Variants in DST observed in about 807,000 individuals in gnomAD.
DST encodes the protein dystonin.
A neutral mutation model predicts 875.2 loss-of-function variants in DST; 253 were observed. That is an observed-to-expected ratio of 0.29 (90% CI 0.26 to 0.32). DST has a LOEUF of 0.32. Among genes scored for constraint, DST ranks in the 10% least tolerant of loss-of-function variants. DST has a pLI of 1.00. For missense variants in DST, 8,287 were observed against 9,111.6 expected (o/e 0.91, Z 3.68); for synonymous variants, 3,124 against 3,197.1 (o/e 0.98, Z 0.77).
At chr6:56,890,697 T>G (rs1786972226) in intron 3 of DST, among the ~76,000 whole-genome samples, 1 of 152,250 alleles carries the variant, frequency 6.6e-6, no homozygotes, top group Non-Finnish European at 1.5e-5. Flanking sequence ...CTAAGGATGC[T>G]AAAGTATTTG....
chr6:56,596,128 C>T (rs1426825220), intron 47 of DST, among the ~76,000 whole-genome samples: 1 of 151,890 alleles, frequency 6.6e-6, no homozygotes, highest in Non-Finnish European at 1.5e-5. Context: ...TTCTGGGTTC[C>T]AGCGATTCTC....
chr6:56,842,309 G>A (rs1385531249), intron 4 of DST, among the ~76,000 whole-genome samples: 1 of 152,086 alleles, frequency 6.6e-6, no homozygotes, highest in Non-Finnish European at 1.5e-5. Flanking sequence ...ACAATAAAAA[G>A]ATGGTATACA....
intron 48 of DST, among the ~76,000 whole-genome samples, chr6:56,592,712 G>A (rs1004733612): frequency 6.6e-6 from 1 of 152,110 alleles, no homozygotes; most frequent in Non-Finnish European, 1.5e-5. Flanking sequence ...GGTTTTAAAG[G>A]TGCTTAATAA....
intron 84 of DST, 108 bp from the exon 85 acceptor site, chr6:56,492,541 C>T: frequency 1.7e-6 from 2 of 1,155,142 alleles, no homozygotes; most frequent in Non-Finnish European, 2.5e-6. Flanking sequence ...CAAACGAAAG[C>T]TTTCGAAATA....
chr6:56,466,281 AACCG>A (rs2094571814), intron 98 of DST, 86 bp from the exon 99 acceptor site: 1 of 864,748 alleles, frequency 1.2e-6, no homozygotes, highest in Admixed American at 3.1e-5. Flanking sequence ...TAGCTAAAGC[AACCG>A]ACTTTAATTT....
At chr6:56,661,590 G>GT (rs111894650) in intron 10 of DST, among the ~76,000 whole-genome samples, 16,087 of 145,206 alleles carry the variant, frequency 0.11, 1,670 homozygotes, top group African/African-American at 0.28. Flanking sequence ...CACTCTAACA[G>GT]TTTTTTTTTT....
chr6:56,718,568 A>G (rs1229630869), intron 5 of DST, among the ~76,000 whole-genome samples: 1 of 152,228 alleles, frequency 6.6e-6, no homozygotes, highest in Non-Finnish European at 1.5e-5. Context: ...AATGTGCAAA[A>G]GAAATAAAAA....
intron 8 of DST, among the ~76,000 whole-genome samples, chr6:56,700,043 C>A (rs1349153399): frequency 3.9e-5 from 6 of 152,204 alleles, no homozygotes; most frequent in Non-Finnish European, 8.8e-5. Context: ...AGGTTAGCAG[C>A]GGCCCAGGAA....
chr6:56,900,570 C>G lies in DST; in HGVS notation c.268G>C (p.Ala90Pro). 7.3e-7 allele frequency: 1 copy of G among 1,367,654 alleles called. No homozygotes were observed. Among genetic ancestry groups the G allele is most frequent in the African/African-American group, 1.5e-5 (1 of 67,858 alleles). The allele number at this position is 1,367,654 out of a possible 1,614,324, so 84.7% of individuals were successfully genotyped here. The change falls in exon 3 of 104, where the codon GCT becomes CCT. Residue 90 changes from alanine (A) to proline (P), a missense_variant. Physicochemically the swap from Ala to Pro is conservative, Grantham distance 27 (BLOSUM62 -1). Transcript: ENST00000680361. ...GGCTTCACTTCTTCCAGACGGGCAG[C>G]TGCGGCCGCTGCAACTCGTCTTCTA... ...HLRRRVAAAA[A>P]ARLEEVKPVV...
At chr6:56,803,976 T>C (rs1370490057) in intron 4 of DST, among the ~76,000 whole-genome samples, 1 of 152,230 alleles carries the variant, frequency 6.6e-6, no homozygotes, top group East Asian at 1.9e-4. Flanking sequence ...CCCATTTCAC[T>C]GAATCTAAAG....
chr6:56,689,607 G>A (rs2099213941), intron 9 of DST, among the ~76,000 whole-genome samples: 2 of 152,188 alleles, frequency 1.3e-5, no homozygotes, highest in South Asian at 4.1e-4. Context: ...GCCAGGCTTT[G>A]AGAAGTACTG....
At chr6:56,702,032 T>C in intron 7 of DST, 67 bp from the exon 8 acceptor site, 1 of 937,978 alleles carries the variant, frequency 1.1e-6, no homozygotes, top group Non-Finnish European at 1.7e-6. Context: ...AATTTAAATA[T>C]AATTTCTGTT....
chr6:56,673,746 T>C (rs2099114629), intron 9 of DST, among the ~76,000 whole-genome samples: 1 of 152,234 alleles, frequency 6.6e-6, no homozygotes, highest in Non-Finnish European at 1.5e-5. Flanking sequence ...GGTATATTCA[T>C]ATAATTTTAC....
chr6:56,655,160 CAAAAAAAAAA>C (rs11365303), intron 10 of DST, among the ~76,000 whole-genome samples: 3 of 57,358 alleles, frequency 5.2e-5, no homozygotes, highest in South Asian at 6.5e-4. Flanking sequence ...GACTTTGCCT[CAAAAAAAAAA>C]AAAAAAAAAA....
At chr6:56,885,980 C>A (rs2127648505) in intron 3 of DST, among the ~76,000 whole-genome samples, 1 of 152,202 alleles carries the variant, frequency 6.6e-6, no homozygotes, top group Non-Finnish European at 1.5e-5. Context: ...TCTAATTTAC[C>A]AATTCATAAT....
chr6:56,583,510 G>A (rs2098073620), intron 49 of DST, among the ~76,000 whole-genome samples: 1 of 152,234 alleles, frequency 6.6e-6, no homozygotes, highest in South Asian at 2.1e-4. Context: ...CTTGTCAGAT[G>A]AGTAGGTTAC....
chr6:56,501,772 T>C, intron 78 of DST, 79 bp from the exon 79 acceptor site: 2 of 1,095,454 alleles, frequency 1.8e-6, no homozygotes, highest in South Asian at 3.3e-5. Flanking sequence ...GGTTATATCA[T>C]TATTCTAATT....
chr6:56,880,750 G>C (rs1291450723), intron 3 of DST, among the ~76,000 whole-genome samples: 2 of 149,490 alleles, frequency 1.3e-5, no homozygotes, highest in Non-Finnish European at 3.0e-5. Flanking sequence ...CAACTTATCT[G>C]GTTCCATAAT....
intron 61 of DST, among the ~76,000 whole-genome samples, chr6:56,549,879 G>A (rs965890173): frequency 6.6e-6 from 1 of 152,122 alleles, no homozygotes; most frequent in African/African-American, 2.4e-5. Flanking sequence ...AAGTTTACAC[G>A]AAGCAGTGCA....
Sources: gnomAD v4.1 joint callset for allele counts (sites outside exome capture counted in the v4.1 genomes callset) on GRCh38, gnomAD v4.1.1 for gene constraint, MANE v1.5 for transcripts, NCBI Gene and HGNC (gene_info 2026-07-23, HGNC 2026-07-21) for gene names.